The following ADGRL2 variants were observed in gnomAD, a reference collection of about 807,000 sequenced individuals.
The protein encoded by ADGRL2 is calcium-independent alpha-latrotoxin receptor 2.
A neutral mutation model predicts 157.4 loss-of-function variants in ADGRL2; 44 were observed. The ratio of observed to expected loss-of-function variants is 0.28; its 90% confidence interval spans 0.22 to 0.36. ADGRL2 has a LOEUF of 0.36. ADGRL2 is among the 10% of genes least tolerant of loss of function. ADGRL2 has a pLI of 1.00. For synonymous variants in ADGRL2, 585 were observed against 624.7 expected, an observed-to-expected ratio of 0.94 and a Z score of 0.95; for missense variants, 1,510 against 1,768.9, an observed-to-expected ratio of 0.85 and a Z score of 2.63.
At chr1:81,456,413 T>C (rs974387194) in intron 2 of ADGRL2, among the ~76,000 whole-genome samples, 1 of 152,040 alleles carries the variant, frequency 6.6e-6, no homozygotes, top group Non-Finnish European at 1.5e-5. Context: ...ATTATTATTA[T>C]TTTTTGTAGA....
intron 3 of ADGRL2, among the ~76,000 whole-genome samples, chr1:81,931,660 A>G (rs2095232414): frequency 1.3e-5 from 2 of 152,134 alleles, no homozygotes; most frequent in South Asian, 4.1e-4. Flanking sequence ...TACCCTGGAA[A>G]TGGTTTTTGT....
At chr1:81,925,813 C>T (rs1399332210) in intron 3 of ADGRL2, among the ~76,000 whole-genome samples, 1 of 151,838 alleles carries the variant, frequency 6.6e-6, no homozygotes. Context: ...AATAGAAAAT[C>T]GTTTGTTGTA....
intron 1 of ADGRL2, among the ~76,000 whole-genome samples, chr1:81,833,837 C>T (rs1217728080): frequency 2.0e-5 from 3 of 152,114 alleles, no homozygotes; most frequent in Non-Finnish European, 4.4e-5. Flanking sequence ...GAAGTTACTG[C>T]TCAGCTTTGG....
intron 1 of ADGRL2, among the ~76,000 whole-genome samples, chr1:81,444,514 C>T (rs4131235): frequency 0.024 from 3,595 of 152,286 alleles, 70 homozygotes; most frequent in African/African-American, 0.042. Flanking sequence ...CACATCTGTG[C>T]TTGCTGGAGG....
chr1:81,375,020 C>T (rs1320375798), intron 1 of ADGRL2, among the ~76,000 whole-genome samples: 3 of 152,284 alleles, frequency 2.0e-5, no homozygotes, highest in Middle Eastern at 6.8e-3. Context: ...TGCTGGTCTG[C>T]TTTAGGGCTT....
chr1:81,334,884 A>G (rs1398460785), intron 1 of ADGRL2, among the ~76,000 whole-genome samples: 10 of 152,232 alleles, frequency 6.6e-5, no homozygotes, highest in Non-Finnish European at 1.3e-4. Flanking sequence ...GCTGAAGAGC[A>G]GGGAAAAGTG....
In ADGRL2 at chr1:81,639,816, G is replaced by A. The variant is rs79708956; in HGVS notation, c.-143+58836G>A. Among the ~76,000 whole-genome samples, 886 of 152,058 alleles carry A rather than the reference G, an allele frequency of 5.8e-3. 11 individuals carry two copies. Among genetic ancestry groups the A allele is most frequent in the African/African-American group, 0.02 (848 of 41,480 alleles). On this transcript the variant is annotated intron_variant, in intron 3 of 24. Transcript: ENST00000370721. Reference sequence around the variant, plus strand: ...ATGCTGTGATAACTATTTCACAATCGGTAGTTTCTGCAGATTATTTATACT... The same window carrying A: ...ATGCTGTGATAACTATTTCACAATCAGTAGTTTCTGCAGATTATTTATACT...
In ADGRL2 at chr1:81,322,883, G is replaced by A. The variant is rs189237076; in HGVS notation, c.-302+16374G>A. 1.7e-3 allele frequency among the ~76,000 whole-genome samples: 258 copies of A among 152,048 alleles called. 1 individual carries two copies. The highest frequency in any genetic ancestry group is 2.9e-3 in the Non-Finnish European group (195 of 67,986). On this transcript the variant is annotated intron_variant, in intron 1 of 24. Transcript: ENST00000370721. Reference sequence around the variant, plus strand: ...GTTTTTTGTTTGTTTGTTGAGACACGGCCTCACTCTGTTGCCCAGGCTGGA... The same window carrying A: ...GTTTTTTGTTTGTTTGTTGAGACACAGCCTCACTCTGTTGCCCAGGCTGGA...
chr1:81,635,587 A>T (rs1319232666), intron 3 of ADGRL2, among the ~76,000 whole-genome samples: 2 of 152,202 alleles, frequency 1.3e-5, no homozygotes, highest in Non-Finnish European at 2.9e-5. Flanking sequence ...CCTGGTTCAC[A>T]GATGGCACCT....
intron 1 of ADGRL2, among the ~76,000 whole-genome samples, chr1:81,819,488 AT>A (rs1196572777): frequency 5.9e-5 from 9 of 152,160 alleles, no homozygotes; most frequent in African/African-American, 2.2e-4. Context: ...TGTAAAAAAA[AT>A]ATATTTTTTC....
At chr1:81,318,289 T>A (rs189691356) in intron 1 of ADGRL2, among the ~76,000 whole-genome samples, 3 of 152,318 alleles carry the variant, frequency 2.0e-5, no homozygotes, top group Admixed American at 6.5e-5. Context: ...ACATTTTACA[T>A]CAATTGTTAC....
intron 1 of ADGRL2, among the ~76,000 whole-genome samples, chr1:81,366,947 T>A (rs940740942): frequency 6.6e-6 from 1 of 152,196 alleles, no homozygotes; most frequent in African/African-American, 2.4e-5. Flanking sequence ...GCTACATACT[T>A]TCCTGAGATG....
intron 1 of ADGRL2, among the ~76,000 whole-genome samples, chr1:81,723,394 T>C (rs2084402279): frequency 6.6e-6 from 1 of 152,258 alleles, no homozygotes; most frequent in Non-Finnish European, 1.5e-5. Context: ...TTACAAACTT[T>C]AAACACTTTT....
intron 2 of ADGRL2, among the ~76,000 whole-genome samples, chr1:81,546,621 T>C (rs1570457096): frequency 6.6e-6 from 1 of 152,252 alleles, no homozygotes; most frequent in East Asian, 1.9e-4. Context: ...CTGGGCAGTC[T>C]AGAAAAGTTA....
intron 3 of ADGRL2, among the ~76,000 whole-genome samples, chr1:81,674,354 C>T (rs1176858384): frequency 7.2e-5 from 11 of 152,132 alleles, no homozygotes; most frequent in Admixed American, 6.5e-4. Context: ...CTCTAATGCA[C>T]GTAGAACACT....
chr1:81,359,266 C>T (rs951739218), intron 1 of ADGRL2, among the ~76,000 whole-genome samples: 7 of 151,970 alleles, frequency 4.6e-5, no homozygotes, highest in Admixed American at 1.3e-4. Flanking sequence ...CATTCTGATA[C>T]GTTTATTGAA....
intron 2 of ADGRL2, among the ~76,000 whole-genome samples, chr1:81,486,354 C>T (rs2078500185): frequency 1.3e-5 from 2 of 152,172 alleles, no homozygotes; most frequent in South Asian, 4.2e-4. Flanking sequence ...TTGCCCACTG[C>T]TTGGAAAGAG....
intron 2 of ADGRL2, among the ~76,000 whole-genome samples, chr1:81,529,463 G>C (rs1443827886): frequency 6.6e-6 from 1 of 152,182 alleles, no homozygotes; most frequent in Non-Finnish European, 1.5e-5. Context: ...TGTGTTATCT[G>C]TTGCCATGAA....
At chr1:81,481,953 A>T (rs368077902) in intron 2 of ADGRL2, among the ~76,000 whole-genome samples, 2 of 152,008 alleles carry the variant, frequency 1.3e-5, no homozygotes, top group East Asian at 1.9e-4. Context: ...ACCCATATCT[A>T]TGTACTCTAT....
Sources: allele counts gnomAD v4.1 joint callset (sites outside exome capture counted in the v4.1 genomes callset), GRCh38; gene constraint gnomAD v4.1.1; transcripts MANE v1.5; gene names NCBI Gene and HGNC (gene_info 2026-07-23, HGNC 2026-07-21).